The following PFKP variants were observed in gnomAD, a reference collection of about 807,000 sequenced individuals.
The protein encoded by PFKP is phosphofructokinase, platelet.
PFKP carries 101 observed loss-of-function variants against 94.3 expected under a neutral mutation model. The ratio of observed to expected loss-of-function variants is 1.07; its 90% CI spans 0.91 to 1.26. The LOEUF (loss-of-function observed/expected upper bound fraction) is 1.26, where lower values mean the gene tolerates loss of function less well. Ranked by LOEUF, PFKP falls within the 50% of genes most tolerant of loss-of-function variation. The pLI is 0.00. For synonymous variants in PFKP, 573 were observed against 432.6 expected (o/e 1.32, Z -4.03); for missense variants, 1,145 against 1,103.3 (o/e 1.04, Z -0.53).
rs1437858139 is a variant in PFKP, at chr10:3,096,878, A to G, written c.187-2397A>G. On this transcript the variant is annotated intron_variant, in intron 2 of 21. Coordinates refer to ENST00000381125, the MANE Select transcript of PFKP (RefSeq NM_002627.5). ...CGGATCACGAGGTCAGGAGATCGAG[A>G]CCATCCTGGCTAACACGGTGAAACC... Among the ~76,000 whole-genome samples the G allele has an allele frequency of 5.5e-5, 7 of 126,996 alleles. 1 individual carries two copies. Among genetic ancestry groups the G allele is most frequent in the African/African-American group, 2.1e-4 (7 of 33,378 alleles). 83.3% of individuals were successfully genotyped at this position (126,996 alleles called of 152,430 possible).
intron 20 of PFKP, among the ~76,000 whole-genome samples, chr10:3,135,507 A>G (rs936700274): frequency 6.6e-5 from 10 of 152,242 alleles, no homozygotes; most frequent in African/African-American, 2.4e-4. Flanking sequence ...ACTGGGAGGA[A>G]AAAACAAAAG....
chr10:3,098,957 A>C (rs113703388), intron 2 of PFKP, among the ~76,000 whole-genome samples: 6,080 of 152,222 alleles, frequency 0.04, 340 homozygotes, highest in African/African-American at 0.12. Context: ...GTTGGGTGAA[A>C]GTGACCCCTT....
chr10:3,136,469 CAG>C lies in PFKP; in HGVS notation c.2246_2247del (p.Gln749LeufsTer20). 6.2e-7 allele frequency: 1 copy of C among 1,613,628 alleles called. No homozygotes were observed. The highest frequency in any genetic ancestry group is 8.5e-7 in the Non-Finnish European group (1 of 1,179,716). ...TDFEHRIPKE[Q>X]WWLKLRPLMK... is the part of the protein sequence containing the mutation. ...CCACAGGCACAGGATTCCCAAAGAA[CAG>C]TGGTGGCTCAAGCTACGGCCCCTCA... On this transcript the variant is annotated frameshift_variant, in exon 22 of 22. Coordinates refer to ENST00000381125, the MANE Select transcript of PFKP (RefSeq NM_002627.5). LOFTEE classifies it low-confidence loss of function (END_TRUNC).
chr10:3,121,721 G>A (rs1426558915), intron 16 of PFKP, among the ~76,000 whole-genome samples: 4 of 148,386 alleles, frequency 2.7e-5, no homozygotes, highest in Non-Finnish European at 5.9e-5. Context: ...GGGATTGTGT[G>A]ATTTATTATG....
rs868185049 is a variant in PFKP at position 3,115,494 on chromosome 10, T to C, written c.1372-1282T>C. ...CCATGGAGGACAGGACTGGGGATGC[T>C]GGGGTGAAGGTGTGTGTCCCACAGC... On this transcript the variant is annotated intron_variant, in intron 13 of 21. Transcript: ENST00000381125. Among the ~76,000 whole-genome samples the C allele has an allele frequency of 5.0e-4, 59 of 118,168 alleles. 5 individuals carry two copies. Among genetic ancestry groups the C allele is most frequent in the East Asian group, 1.5e-3 (6 of 3,900 alleles). The allele number at this position is 118,168 out of a possible 152,430, so 77.5% of individuals were successfully genotyped here.
chr10:3,102,228 G>A (rs527542267), intron 4 of PFKP, among the ~76,000 whole-genome samples: 1 of 117,094 alleles, frequency 8.5e-6, no homozygotes, highest in African/African-American at 3.2e-5. Flanking sequence ...TCCAGCCTGG[G>A]CGACAGAGCG....
In PFKP at chr10:3,094,424, T is replaced by A. The variant is rs1246434036; in HGVS notation, c.187-4851T>A. On this transcript the variant is annotated intron_variant, in intron 2 of 21. Coordinates refer to ENST00000381125, the MANE Select transcript of PFKP (RefSeq NM_002627.5). ...TTAGAATTTTACAGTTGACTGAGTC[T>A]CCCAAGAAGAAATCCTGAGGCTGCT... is the stretch of plus-strand genomic sequence containing the variant. 2.0e-5 allele frequency among the ~76,000 whole-genome samples: 3 copies of A among 152,238 alleles called. No individual in the cohort carries two copies. In the East Asian group the frequency reaches 5.8e-4, roughly 29 times the overall value.
chr10:3,092,924 G>A (rs762746275), intron 2 of PFKP, among the ~76,000 whole-genome samples: 13 of 151,988 alleles, frequency 8.6e-5, no homozygotes, highest in East Asian at 1.9e-4. Context: ...GCTGGGATGT[G>A]TAGATGGGGG....
At chr10:3,111,393 C>T (rs887540888) in intron 10 of PFKP, among the ~76,000 whole-genome samples, 1 of 152,108 alleles carries the variant, frequency 6.6e-6, no homozygotes, top group African/African-American at 2.4e-5. Flanking sequence ...AGGCAGTAGG[C>T]TTAAAAGGCT....
intron 2 of PFKP, among the ~76,000 whole-genome samples, chr10:3,095,656 G>A (rs181743327): frequency 2.0e-5 from 3 of 152,334 alleles, no homozygotes; most frequent in East Asian, 1.9e-4. Flanking sequence ...TTTAGGAAAC[G>A]TCTGGGCTTT....
At chr10:3,132,102 G>A (rs112789942) in intron 17 of PFKP, among the ~76,000 whole-genome samples, 17 of 152,178 alleles carry the variant, frequency 1.1e-4, no homozygotes, top group African/African-American at 3.6e-4. Flanking sequence ...GGCAAAGCAC[G>A]GAATTACCAT....
chr10:3,107,115 G>T, intron 7 of PFKP, 99 bp from the exon 8 acceptor site: 1 of 729,580 alleles, frequency 1.4e-6, no homozygotes, highest in Admixed American at 2.1e-5. Context: ...TGCCCAGAAA[G>T]AGGCCAGTTC....
intron 16 of PFKP, among the ~76,000 whole-genome samples, chr10:3,127,225 A>T (rs1198491831): frequency 6.6e-6 from 1 of 152,212 alleles, no homozygotes; most frequent in Non-Finnish European, 1.5e-5. Context: ...CCTCTTCCGT[A>T]CCAGCTGTCG....
chr10:3,105,393 G>C lies in PFKP; in HGVS notation c.666G>C (p.Gly222=). The C allele has an allele frequency of 3.1e-6, 5 of 1,612,342 alleles. No individual in the cohort carries two copies. Among genetic ancestry groups the C allele is most frequent in the Non-Finnish European group, 4.2e-6 (5 of 1,178,486 alleles). Residue 222 remains glycine (G), a splice_region_variant and synonymous_variant, in exon 7 of 22, where the codon GGG becomes GGC. Coordinates refer to ENST00000381125, the MANE Select transcript of PFKP (RefSeq NM_002627.5). ...TGATGCTGTTGCCTTGTCCACATAG[G>C]TACCTGGCCCTGGTGAGTGCCTTGG... ...FVLEVMGRHC[G]YLALVSALAC...
intron 2 of PFKP, among the ~76,000 whole-genome samples, chr10:3,089,428 CTT>C (rs1833878370): frequency 6.6e-6 from 1 of 151,866 alleles, no homozygotes; most frequent in Non-Finnish European, 1.5e-5. Context: ...GCGGAGGTCT[CTT>C]TCTGCCGATT....
chr10:3,073,733 G>C (rs1832366404), intron 1 of PFKP, among the ~76,000 whole-genome samples: 1 of 149,446 alleles, frequency 6.7e-6, no homozygotes, highest in Admixed American at 6.6e-5. Context: ...ATGATTGAAA[G>C]GGTGGCATGC....
At chr10:3,078,258 G>A (rs1365811463) in intron 1 of PFKP, among the ~76,000 whole-genome samples, 6 of 140,640 alleles carry the variant, frequency 4.3e-5, no homozygotes, top group African/African-American at 5.0e-5. Context: ...AGGTGTGCAC[G>A]TCTGCCTGCA....
chr10:3,078,592 A>C (rs1832783994), intron 1 of PFKP, among the ~76,000 whole-genome samples: 1 of 152,252 alleles, frequency 6.6e-6, no homozygotes, highest in Non-Finnish European at 1.5e-5. Flanking sequence ...GCATTGTAAT[A>C]GAGGAAATTA....
At chr10:3,105,559 A>G (rs1201978935) in intron 7 of PFKP, 58 bp downstream of exon 7, 1 of 1,227,970 alleles carries the variant, frequency 8.1e-7, no homozygotes, top group African/African-American at 1.5e-5. Flanking sequence ...TGCTTTAATC[A>G]GGATCCCAAG....
Sources: gnomAD v4.1 joint callset for allele counts (sites outside exome capture counted in the v4.1 genomes callset) on GRCh38, gnomAD v4.1.1 for gene constraint, MANE v1.5 for transcripts, NCBI Gene and HGNC (gene_info 2026-07-23, HGNC 2026-07-21) for gene names.